The following LRRC34 variants were observed in gnomAD, a reference collection of about 807,000 sequenced individuals.
LRRC34 encodes the protein leucine-rich repeat-containing protein 34.
In LRRC34, 44 loss-of-function variants were observed where a neutral mutation model predicts 48.5. The ratio of observed to expected loss-of-function variants is 0.91; its 90% CI spans 0.71 to 1.17. The LOEUF (loss-of-function observed/expected upper bound fraction) is 1.17. Among genes scored for constraint, LRRC34 ranks in the 50% most tolerant of loss-of-function variants. The pLI is 0.00. For missense variants in LRRC34, 502 were observed against 563.0 expected (o/e 0.89, Z 1.10); for synonymous variants, 192 against 197.6 (o/e 0.97, Z 0.24).
At chr3:169,795,793 T>G (rs1778965261) in intron 9 of LRRC34, 182 bp from the exon 10 acceptor site, 24 of 1,281,124 alleles carry the variant, frequency 1.9e-5, no homozygotes, top group Non-Finnish European at 2.4e-5. Context: ...AGGTACTTAG[T>G]AGAGCTAACT....
chr3:169,795,769 T>C, intron 9 of LRRC34, 158 bp from the exon 10 acceptor site: 2 of 1,341,082 alleles, frequency 1.5e-6, no homozygotes, highest in East Asian at 2.8e-5. Flanking sequence ...CTTAGTTTTC[T>C]AATTAGATCC....
chr3:169,808,645 A>G lies in LRRC34; in HGVS notation c.240T>C (p.Asp80=), dbSNP rs1212989071. 4 of 1,517,670 alleles carry G rather than the reference A, an allele frequency of 2.6e-6. No homozygotes were observed. Among genetic ancestry groups the G allele is most frequent in the Non-Finnish European group, 3.6e-6 (4 of 1,101,654 alleles). 94.0% of individuals were successfully genotyped at this position (1,517,670 alleles called of 1,614,324 possible). A position where few individuals can be genotyped will look rare whatever the true frequency, so the allele number is the denominator to read the frequency against. ...TTTCTTACCCCTTTTTAATTTCTTC[A>G]TCCACTTCTTGGAGTATATGCAATA... ...PFILHILQEV[D]EEIKKGLAAG... Residue 80 remains aspartate (D), a synonymous_variant, in exon 2 of 11, where the codon GAT becomes GAC. Coordinates refer to ENST00000446859, the MANE Select transcript of LRRC34 (RefSeq NM_001172779.2).
Position 169,812,564 on chromosome 3 carries a change from A to G in LRRC34, c.-16T>C, listed in dbSNP as rs1335843229. ...GCGCTGCCATGGCGACCGCGCGCGCACTTACAGTCCGCCTGCAGCTGTGAG... is the reference window on the plus strand; with the variant it reads ...GCGCTGCCATGGCGACCGCGCGCGCGCTTACAGTCCGCCTGCAGCTGTGAG... On this transcript the variant is annotated 5_prime_UTR_variant, in exon 1 of 11. Coordinates refer to ENST00000446859, the MANE Select transcript of LRRC34 (RefSeq NM_001172779.2). The surrounding 1 kb of genome is among the most constrained non-coding windows in gnomAD (Gnocchi z 4.3). The G allele has an allele frequency of 3.4e-6, 5 of 1,467,154 alleles. No individual in the cohort carries two copies. The highest frequency in any genetic ancestry group is 4.5e-6 in the Non-Finnish European group (5 of 1,116,526). The allele number at this position is 1,467,154 out of a possible 1,614,324, so 90.9% of individuals were successfully genotyped here. A position where few individuals can be genotyped will look rare whatever the true frequency, so the allele number is the denominator to read the frequency against.
rs1393055737 is a variant in LRRC34 at position 169,804,170 on chromosome 3, A to G, written c.540T>C (p.Thr180=). 1 of 1,581,964 alleles carries G rather than the reference A, an allele frequency of 6.3e-7. No homozygotes were observed. The highest frequency in any genetic ancestry group is 1.2e-5 in the South Asian group (1 of 84,884). Residue 180 remains threonine (T), a synonymous_variant, in exon 6 of 11, where the codon ACT becomes ACC. Coordinates refer to ENST00000446859, the MANE Select transcript of LRRC34 (RefSeq NM_001172779.2). ...TTCCAGTCATTCTTAGGTATTTCAG[A>G]GTCCGATTCTTCTGAAAAGGAAAAA... ...LIAKVLHKNR[T]LKYLRMTGNK...
At chr3:169,797,676 C>T (rs960492975) in intron 7 of LRRC34, among the ~76,000 whole-genome samples, 1 of 152,122 alleles carries the variant, frequency 6.6e-6, no homozygotes, top group African/African-American at 2.4e-5. Context: ...ATGATGAACA[C>T]AGATAACTAT....
At chr3:169,809,650 CTT>C (rs911546003) in intron 1 of LRRC34, among the ~76,000 whole-genome samples, 2 of 152,210 alleles carry the variant, frequency 1.3e-5, no homozygotes, top group African/African-American at 4.8e-5. Context: ...AGGCCACTGT[CTT>C]TGTTTTCTAT....
chr3:169,797,614 C>A (rs544866102), intron 7 of LRRC34, among the ~76,000 whole-genome samples: 1 of 152,288 alleles, frequency 6.6e-6, no homozygotes, highest in South Asian at 2.1e-4. Flanking sequence ...AAGAAGTACT[C>A]TTGCATGATT....
In LRRC34 at chr3:169,800,639, C is replaced by T; in HGVS notation, c.753+20G>A. 1 of 1,420,580 alleles carries T rather than the reference C, an allele frequency of 7.0e-7. No individual in the cohort carries two copies. The highest frequency in any genetic ancestry group is 9.5e-7 in the Non-Finnish European group (1 of 1,050,220). 88.0% of individuals were successfully genotyped at this position (1,420,580 alleles called of 1,614,324 possible). A position where few individuals can be genotyped will look rare whatever the true frequency, so the allele number is the denominator to read the frequency against. ...TTTATTCATGTTGTTATATTAACTA[C>T]CATCACTTTGAATACATACCTGTTC... is the stretch of plus-strand genomic sequence containing the variant. On this transcript the variant is annotated intron_variant, in intron 7 of 10. Transcript: ENST00000446859.
chr3:169,803,787 G>T (rs181997414), intron 6 of LRRC34, among the ~76,000 whole-genome samples: 58 of 152,332 alleles, frequency 3.8e-4, no homozygotes, highest in African/African-American at 1.3e-3. Flanking sequence ...TTTAATTAAA[G>T]TGAACATGAT....
At chr3:169,807,780 A>G in intron 2 of LRRC34, 71 bp from the exon 3 acceptor site, 1 of 1,434,906 alleles carries the variant, frequency 7.0e-7, no homozygotes. Context: ...AAGTAAAAGT[A>G]TGTTTCCTTC....
Position 169,812,833 on chromosome 3 carries a change from C to T in LRRC34, c.-285G>A, listed in dbSNP as rs770438053. On this transcript the variant is annotated 5_prime_UTR_variant, in exon 1 of 11. Transcript: ENST00000446859. The surrounding 1 kb of genome is among the most constrained non-coding windows in gnomAD (Gnocchi z 4.3). ...CTACAAAGAAGATTATGACAAAGCC[C>T]GCTCCTACAAAGTGTGCACCGGCCT... The T allele has an allele frequency of 7.2e-6, 3 of 416,836 alleles. No homozygotes were observed. In the South Asian group the frequency reaches 1.3e-4, roughly 18 times the overall value. 25.8% of individuals were successfully genotyped at this position (416,836 alleles called of 1,614,324 possible).
intron 6 of LRRC34, among the ~76,000 whole-genome samples, chr3:169,802,376 T>C (rs1393167269): frequency 6.6e-6 from 1 of 152,228 alleles, no homozygotes; most frequent in African/African-American, 2.4e-5. Context: ...ACACTCTCCA[T>C]GAGTTTTTTC....
chr3:169,807,854 T>C (rs1287865109), intron 2 of LRRC34, 145 bp from the exon 3 acceptor site: 3 of 998,736 alleles, frequency 3.0e-6, no homozygotes, highest in African/African-American at 1.7e-5. Context: ...AGTAGACTTA[T>C]ACAGTATATT....
In LRRC34 at chr3:169,795,737, T is replaced by G. The variant is rs1778962073; in HGVS notation, c.1065-126A>C. ...ATGTAGTGGTAAAAATACTGACCAT[T>G]TAATTCCTAAAATCCAAGAAACTTA... On this transcript the variant is annotated intron_variant, in intron 9 of 10. Coordinates refer to ENST00000446859, the MANE Select transcript of LRRC34 (RefSeq NM_001172779.2). 2.2e-6 allele frequency: 3 copies of G among 1,361,136 alleles called. No individual in the cohort carries two copies. The East Asian group carries it at 8.0e-5, about 36-fold the overall frequency. The allele number at this position is 1,361,136 out of a possible 1,614,324, so 84.3% of individuals were successfully genotyped here.
At chr3:169,797,270 T>C (rs372403725) in intron 7 of LRRC34, among the ~76,000 whole-genome samples, 2 of 152,180 alleles carry the variant, frequency 1.3e-5, no homozygotes, top group African/African-American at 4.8e-5. Context: ...ACCTTTCTTA[T>C]ACCTTCCATA....
chr3:169,795,765 T>A lies in LRRC34; in HGVS notation c.1065-154A>T, dbSNP rs375420279. The A allele has an allele frequency of 2.5e-5, 34 of 1,343,716 alleles. No homozygotes were observed. In the African/African-American group the frequency reaches 4.4e-4, roughly 17 times the overall value. 83.2% of individuals were successfully genotyped at this position (1,343,716 alleles called of 1,614,324 possible). On this transcript the variant is annotated intron_variant, in intron 9 of 10. Transcript: ENST00000446859. ...ATTCCTAAAATCCAAGAAACTTAGT[T>A]TTCTAATTAGATCCTTAAGGTACTT...
At chr3:169,809,219 T>TC (rs1560603558) in intron 1 of LRRC34, among the ~76,000 whole-genome samples, 1 of 144,752 alleles carries the variant, frequency 6.9e-6, no homozygotes, top group Non-Finnish European at 1.5e-5. Flanking sequence ...TTTTTTTTTT[T>TC]CAACTCAGTA....
Position 169,796,293 on chromosome 3 carries a change from G to T in LRRC34, c.985C>A (p.Leu329Ile). 1 of 1,612,388 alleles carries T rather than the reference G, an allele frequency of 6.2e-7. No homozygotes were observed. The highest frequency in any genetic ancestry group is 8.5e-7 in the Non-Finnish European group (1 of 1,179,416). The change falls in exon 9 of 11, where the codon CTT (leucine) becomes ATT (isoleucine). Residue 329 changes from leucine to isoleucine, a missense_variant. Leu to Ile is a conservative substitution (Grantham distance 5, BLOSUM62 2). Transcript: ENST00000446859. ...KSNTTLEVID[L>I]SFNRIENAGA... ...GCATTTTCTATTCTGTTAAAGGAAA[G>T]ATCTATTACTTCCAGGGTAGTGTTG...
At chr3:169,803,923 G>T in intron 6 of LRRC34, 130 bp downstream of exon 6, 1 of 767,880 alleles carries the variant, frequency 1.3e-6, no homozygotes, top group Non-Finnish European at 2.0e-6. Flanking sequence ...GCACTATTAT[G>T]TCTAGGGGAA....
Sources: gnomAD v4.1 joint callset for allele counts (sites outside exome capture counted in the v4.1 genomes callset) on GRCh38, gnomAD v4.1.1 for gene constraint, Gnocchi (gnomAD v3.1) non-coding constraint, MANE v1.5 for transcripts, NCBI Gene and HGNC (gene_info 2026-07-23, HGNC 2026-07-21) for gene names.